The following SLC4A4 variants were observed in gnomAD, a reference collection of about 807,000 sequenced individuals.
The protein encoded by SLC4A4 is electrogenic sodium bicarbonate cotransporter 1.
A neutral mutation model predicts 111.5 loss-of-function variants in SLC4A4; 27 were observed. The observed-to-expected ratio is 0.24, with a 90% CI of 0.18 to 0.33. The LOEUF is 0.33. SLC4A4 is among the 10% of genes least tolerant of loss of function. The pLI is 1.00. For synonymous variants in SLC4A4, 443 were observed against 463.4 expected (o/e 0.96, Z 0.57); for missense variants, 909 against 1,315.5 (o/e 0.69, Z 4.78).
In SLC4A4 at chr4:71,486,959, A is replaced by T; in HGVS notation, c.1915A>T (p.Ile639Leu). The T allele has an allele frequency of 6.3e-7, 1 of 1,597,556 alleles. No individual in the cohort carries two copies. The highest frequency in any genetic ancestry group is 8.6e-7 in the Non-Finnish European group (1 of 1,167,314). The change falls in exon 15 of 26, where the codon ATA becomes TTA. Residue 639 changes from isoleucine to leucine, a missense_variant. By Grantham distance (5) the Ile-to-Leu change is conservative. Around this residue, in one of 7 missense-constraint regions of SLC4A4, gnomAD observed 264 missense variants for 356.8 expected, o/e 0.74. Transcript: ENST00000264485. ...TCTTTTGCTTACAGCTAATATCTCA[A>T]TATCTAATGACACCACACTGGCCCC... ...CVPPDPANIS[I>L]SNDTTLAPEY...
chr4:71,245,303 A>G (rs149807524), intron 2 of SLC4A4, among the ~76,000 whole-genome samples: 2 of 152,302 alleles, frequency 1.3e-5, no homozygotes, highest in East Asian at 3.9e-4. Context: ...TAAGCAAGGA[A>G]GTGATAAGAC....
chr4:71,077,906 T>C (rs530870944), intron 1 of SLC4A4, among the ~76,000 whole-genome samples: 4 of 152,150 alleles, frequency 2.6e-5, no homozygotes, highest in African/African-American at 4.8e-5. Flanking sequence ...ATCTAGCAAA[T>C]ATACCTAATG....
intron 14 of SLC4A4, among the ~76,000 whole-genome samples, chr4:71,486,259 ACT>A (rs995539638): frequency 2.0e-4 from 31 of 151,512 alleles, no homozygotes; most frequent in African/African-American, 7.0e-4. Flanking sequence ...CTTTTTAAAT[ACT>A]GTTTTTTAAT....
intron 1 of SLC4A4, among the ~76,000 whole-genome samples, chr4:71,064,435 G>A (rs563143394): frequency 1.3e-5 from 2 of 152,198 alleles, no homozygotes; most frequent in African/African-American, 4.8e-5. Context: ...CCTTTGAAGG[G>A]GAATATAATA....
At chr4:71,504,691 C>CT (rs1360099964) in intron 16 of SLC4A4, among the ~76,000 whole-genome samples, 6 of 144,854 alleles carry the variant, frequency 4.1e-5, no homozygotes, top group Admixed American at 2.8e-4. Context: ...TATTATTTTT[C>CT]TTTTTTGCTT....
At chr4:71,351,621 G>A (rs1469632954) in intron 5 of SLC4A4, among the ~76,000 whole-genome samples, 3 of 152,192 alleles carry the variant, frequency 2.0e-5, no homozygotes, top group Admixed American at 6.5e-5. Context: ...TTTGGAGGCC[G>A]AGGTGGGTGG....
At chr4:71,359,423 C>T (rs1474718813) in intron 6 of SLC4A4, among the ~76,000 whole-genome samples, 1 of 152,114 alleles carries the variant, frequency 6.6e-6, no homozygotes, top group Admixed American at 6.5e-5. Flanking sequence ...TTTTAAATAT[C>T]CAGAGGCAAG....
chr4:71,136,396 T>G (rs1490768279), intron 2 of SLC4A4, among the ~76,000 whole-genome samples: 1 of 152,208 alleles, frequency 6.6e-6, no homozygotes, highest in Non-Finnish European at 1.5e-5. Context: ...ACCTGCCACT[T>G]GGAACAGATT....
intron 20 of SLC4A4, among the ~76,000 whole-genome samples, chr4:71,548,257 T>G (rs1735698991): frequency 6.6e-6 from 1 of 151,920 alleles, no homozygotes; most frequent in Non-Finnish European, 1.5e-5. Flanking sequence ...TAAATTAGAG[T>G]AAAATTACTG....
At position 71,445,986 on chromosome 4, in the gene SLC4A4, C is replaced by T. The variant is rs536268288; in HGVS notation, c.966-1660C>T. Among the ~76,000 whole-genome samples, 10 of 152,190 alleles carry T rather than the reference C, an allele frequency of 6.6e-5. No homozygotes were observed. The South Asian group carries it at 2.1e-3, about 32-fold the overall frequency. On this transcript the variant is annotated intron_variant, in intron 8 of 25. Transcript: ENST00000264485. ...CTTCATACTTGAACAGACTTTGGTGCCTGCTGATTGCTATCTACTTTGGTA... is the reference window on the plus strand; with the variant it reads ...CTTCATACTTGAACAGACTTTGGTGTCTGCTGATTGCTATCTACTTTGGTA...
chr4:71,540,927 T>G (rs1578147977), intron 18 of SLC4A4, among the ~76,000 whole-genome samples: 1 of 152,244 alleles, frequency 6.6e-6, no homozygotes, highest in Admixed American at 6.5e-5. Context: ...GAGGTCAAAG[T>G]TAACGGGGCC....
intron 5 of SLC4A4, among the ~76,000 whole-genome samples, chr4:71,356,524 T>C (rs1730295897): frequency 6.6e-6 from 1 of 152,216 alleles, no homozygotes; most frequent in Non-Finnish European, 1.5e-5. Context: ...TTAAATACTG[T>C]TTCCCTTGAC....
intron 12 of SLC4A4, among the ~76,000 whole-genome samples, chr4:71,463,330 C>A (rs149334076): frequency 1.3e-3 from 196 of 152,248 alleles, no homozygotes; most frequent in African/African-American, 4.5e-3. Flanking sequence ...TATAATAAAT[C>A]AGAAAAGAGG....
intron 6 of SLC4A4, among the ~76,000 whole-genome samples, chr4:71,358,077 G>T (rs775424595): frequency 2.0e-5 from 3 of 152,164 alleles, no homozygotes; most frequent in Non-Finnish European, 4.4e-5. Flanking sequence ...AACTTTGGGA[G>T]GCCGAGGCGG....
At chr4:71,376,983 C>G (rs971445378) in intron 6 of SLC4A4, among the ~76,000 whole-genome samples, 8 of 152,052 alleles carry the variant, frequency 5.3e-5, no homozygotes, top group Non-Finnish European at 1.0e-4. Context: ...GAAACAGTGC[C>G]TTTCTTTTTA....
At chr4:71,336,712 ACT>A (rs1387199588) in intron 3 of SLC4A4, among the ~76,000 whole-genome samples, 1 of 152,152 alleles carries the variant, frequency 6.6e-6, no homozygotes, top group Non-Finnish European at 1.5e-5. Flanking sequence ...AGCCAGTATC[ACT>A]TTCTCTAGGA....
At chr4:71,078,493 A>G (rs993000690) in intron 1 of SLC4A4, among the ~76,000 whole-genome samples, 3 of 152,202 alleles carry the variant, frequency 2.0e-5, no homozygotes, top group Admixed American at 2.0e-4. Context: ...AGCATGGGGC[A>G]TTAGAATCTT....
chr4:71,516,386 C>T (rs1041898768), intron 16 of SLC4A4, among the ~76,000 whole-genome samples: 5 of 152,026 alleles, frequency 3.3e-5, no homozygotes, highest in Admixed American at 2.6e-4. Context: ...CGTGAGCCAC[C>T]GCGCCCAGCC....
intron 12 of SLC4A4, among the ~76,000 whole-genome samples, chr4:71,455,129 T>G (rs1227401974): frequency 6.6e-6 from 1 of 152,200 alleles, no homozygotes; most frequent in Non-Finnish European, 1.5e-5. Context: ...TATTGCTTCA[T>G]TTTCTGATCT....
Sources: allele counts gnomAD v4.1 joint callset (sites outside exome capture counted in the v4.1 genomes callset), GRCh38; gene constraint gnomAD v4.1.1; regional missense constraint gnomAD v4.1.1; transcripts MANE v1.5; gene names NCBI Gene and HGNC (gene_info 2026-07-23, HGNC 2026-07-21).